Variants in PPP2R2A observed in about 807,000 individuals in gnomAD.
PPP2R2A encodes the protein serine/threonine-protein phosphatase 2A 55 kDa regulatory subunit B alpha isoform.
Under a neutral mutation model 53.2 loss-of-function variants are expected in PPP2R2A, and 9 were observed. The ratio of observed to expected loss-of-function variants is 0.17; its 90% CI spans 0.10 to 0.30. PPP2R2A has a LOEUF of 0.30. PPP2R2A is among the 10% of genes least tolerant of loss of function. The pLI, the probability that PPP2R2A is intolerant of heterozygous loss-of-function variation, is 1.00. For missense variants in PPP2R2A, 235 were observed against 534.6 expected, an observed-to-expected ratio of 0.44 and a Z score of 5.53; for synonymous variants, 169 against 174.2, an observed-to-expected ratio of 0.97 and a Z score of 0.23.
intron 2 of PPP2R2A, among the ~76,000 whole-genome samples, chr8:26,296,840 A>G (rs567641313): frequency 1.2e-4 from 18 of 152,340 alleles, no homozygotes; most frequent in Non-Finnish European, 2.5e-4. Context: ...GGCTTTTTAA[A>G]ATAAAAATTT....
At chr8:26,313,334 C>A (rs1445972057) in intron 2 of PPP2R2A, among the ~76,000 whole-genome samples, 1 of 152,078 alleles carries the variant, frequency 6.6e-6, no homozygotes, top group East Asian at 1.9e-4. Flanking sequence ...CGTGCCTGGC[C>A]TATTTTCATA....
intron 8 of PPP2R2A, 58 bp from the exon 9 acceptor site, chr8:26,366,257 T>A (rs181100009): frequency 1.5e-6 from 2 of 1,378,214 alleles, no homozygotes; most frequent in East Asian, 2.3e-5. Context: ...TTTAAAGATA[T>A]GGACTTGTTA....
rs1190199129 is a variant in PPP2R2A, at chr8:26,318,464, A to T, written c.83-20426A>T. 1.3e-5 allele frequency among the ~76,000 whole-genome samples: 2 copies of T among 152,218 alleles called. 1 individual carries two copies. The highest frequency in any genetic ancestry group is 2.9e-5 in the Non-Finnish European group (2 of 68,040). On this transcript the variant is annotated intron_variant, in intron 2 of 9. Coordinates refer to ENST00000380737, the MANE Select transcript of PPP2R2A (RefSeq NM_002717.4). The stretch of plus-strand genomic sequence containing the variant: ...TGATGTCTGGGATGTACATGAAATA[A>T]TGTGGCATGGGTTTATAGATGAAAC...
chr8:26,294,369 T>C (rs1801448202), intron 2 of PPP2R2A, among the ~76,000 whole-genome samples: 1 of 152,224 alleles, frequency 6.6e-6, no homozygotes, highest in Non-Finnish European at 1.5e-5. Context: ...CTGTGTTTGA[T>C]CAGTTGAAGT....
At chr8:26,334,740 A>C (rs1440110267) in intron 2 of PPP2R2A, among the ~76,000 whole-genome samples, 1 of 152,004 alleles carries the variant, frequency 6.6e-6, no homozygotes, top group Non-Finnish European at 1.5e-5. Flanking sequence ...GTAAGACTCC[A>C]TCTCAAAAAA....
At chr8:26,293,183 G>GT (rs961221145) in intron 1 of PPP2R2A, 3 of 1,501,104 alleles carry the variant, frequency 2.0e-6, no homozygotes, top group Non-Finnish European at 2.7e-6. Flanking sequence ...TGGGTGTAGT[G>GT]TTTGCTGTGT....
intron 1 of PPP2R2A, chr8:26,293,212 G>C: frequency 6.5e-7 from 1 of 1,534,492 alleles, no homozygotes. Context: ...TGGTGATAAG[G>C]TTCATATGAA....
chr8:26,328,508 C>G (rs1415458384), intron 2 of PPP2R2A, among the ~76,000 whole-genome samples: 1 of 152,144 alleles, frequency 6.6e-6, no homozygotes, highest in African/African-American at 2.4e-5. Context: ...CATCTATTAT[C>G]AAAGTTTCCA....
At chr8:26,311,104 G>A (rs976525720) in intron 2 of PPP2R2A, among the ~76,000 whole-genome samples, 1 of 152,154 alleles carries the variant, frequency 6.6e-6, no homozygotes, top group East Asian at 1.9e-4. Context: ...AAACATTTGA[G>A]AATTGCTGTG....
At position 26,338,040 on chromosome 8, in the gene PPP2R2A, G is replaced by A. The variant is rs1360514177; in HGVS notation, c.83-850G>A. Among the ~76,000 whole-genome samples, 1 of 152,166 alleles carries A rather than the reference G, an allele frequency of 6.6e-6. No homozygotes were observed. Among genetic ancestry groups the A allele is most frequent in the African/African-American group, 2.4e-5 (1 of 41,436 alleles). On this transcript the variant is annotated intron_variant, in intron 2 of 9. Transcript: ENST00000380737. The surrounding 1 kb of genome is among the most constrained non-coding windows in gnomAD (Gnocchi z 4.5). ...CAGAGGATGTCTGTTCTTTTATAAAGCTGATTTATTTTAAATGCACATGAT... is the reference window on the plus strand; with the variant it reads ...CAGAGGATGTCTGTTCTTTTATAAAACTGATTTATTTTAAATGCACATGAT...
intron 3 of PPP2R2A, among the ~76,000 whole-genome samples, chr8:26,344,163 G>A (rs1181712583): frequency 3.9e-5 from 6 of 152,164 alleles, no homozygotes; most frequent in African/African-American, 1.4e-4. Context: ...AGCAGTTTAT[G>A]TGCTAGGACC....
Position 26,291,845 on chromosome 8 carries a change from T to A in PPP2R2A, c.7+19T>A. 1 of 1,607,804 alleles carries A rather than the reference T, an allele frequency of 6.2e-7. No homozygotes were observed. Among genetic ancestry groups the A allele is most frequent in the Non-Finnish European group, 8.5e-7 (1 of 1,177,588 alleles). Reference sequence around the variant, plus strand: ...ATGGCAGGTAAAGGAGAAATCCCCCTCGCCCCCTGACAAGGCACCGCTTCC... The same window carrying A: ...ATGGCAGGTAAAGGAGAAATCCCCCACGCCCCCTGACAAGGCACCGCTTCC... On this transcript the variant is annotated intron_variant, in intron 1 of 9. Transcript: ENST00000380737.
rs1266014063 is a variant in PPP2R2A, at chr8:26,362,499, C to T, written c.638-185C>T. ...CAGCCTGGGTGACAGAGTGAAACTC[C>T]GTCTAAATAAAAATTAAAAAAAAAA... On this transcript the variant is annotated intron_variant, in intron 6 of 9. Coordinates refer to ENST00000380737, the MANE Select transcript of PPP2R2A (RefSeq NM_002717.4). The surrounding 1 kb of genome is among the most constrained non-coding windows in gnomAD (Gnocchi z 4.4). Among the ~76,000 whole-genome samples, 2 of 151,624 alleles carry T rather than the reference C, an allele frequency of 1.3e-5. No homozygotes were observed. The highest frequency in any genetic ancestry group is 6.6e-5 in the Admixed American group (1 of 15,228).
Position 26,354,690 on chromosome 8 carries a change from C to T in PPP2R2A, c.346+57C>T. 7.4e-7 allele frequency: 1 copy of T among 1,346,066 alleles called. No homozygotes were observed. The highest frequency in any genetic ancestry group is 9.8e-7 in the Non-Finnish European group (1 of 1,022,772). The allele number at this position is 1,346,066 out of a possible 1,614,324, so 83.4% of individuals were successfully genotyped here. On this transcript the variant is annotated intron_variant, in intron 4 of 9. Coordinates refer to ENST00000380737, the MANE Select transcript of PPP2R2A (RefSeq NM_002717.4). This position sits in a 1 kb window ranked among gnomAD's most constrained non-coding sequence, Gnocchi z 4.6. ...ACTGTGTGTACCTGTTGCACATATC[C>T]TGTAGCCTAGGAGAGGAATCATTTA...
chr8:26,319,914 G>T (rs1357441860), intron 2 of PPP2R2A, among the ~76,000 whole-genome samples: 2 of 152,038 alleles, frequency 1.3e-5, no homozygotes, highest in African/African-American at 4.8e-5. Flanking sequence ...TATTCATTTT[G>T]ATGCTACTGT....
At chr8:26,320,721 G>A (rs111429984) in intron 2 of PPP2R2A, among the ~76,000 whole-genome samples, 3,469 of 152,204 alleles carry the variant, frequency 0.023, 57 homozygotes, top group Middle Eastern at 0.054. Flanking sequence ...TGTTTTAAAC[G>A]GAACCAAGTT....
intron 2 of PPP2R2A, among the ~76,000 whole-genome samples, chr8:26,315,430 A>T (rs1802502253): frequency 1.3e-5 from 2 of 152,202 alleles, no homozygotes; most frequent in South Asian, 4.1e-4. Context: ...ATCACCGAGC[A>T]ACTCATGGAT....
chr8:26,297,450 T>C (rs181070508), intron 2 of PPP2R2A, among the ~76,000 whole-genome samples: 1 of 152,300 alleles, frequency 6.6e-6, no homozygotes, highest in African/African-American at 2.4e-5. Context: ...GCTAGATTGT[T>C]TGAGATACCG....
At chr8:26,314,809 T>A (rs1304854787) in intron 2 of PPP2R2A, among the ~76,000 whole-genome samples, 1 of 151,940 alleles carries the variant, frequency 6.6e-6, no homozygotes, top group Non-Finnish European at 1.5e-5. Context: ...TTCTGTTTTT[T>A]CCTTCTCTGT....
Sources: gnomAD v4.1 joint callset for allele counts (sites outside exome capture counted in the v4.1 genomes callset) on GRCh38, gnomAD v4.1.1 for gene constraint, Gnocchi (gnomAD v3.1) non-coding constraint, MANE v1.5 for transcripts, NCBI Gene and HGNC (gene_info 2026-07-23, HGNC 2026-07-21) for gene names.